FOXP1: variants seen among roughly 807,000 people sequenced by gnomAD.
FOXP1 encodes the protein forkhead box P1, also known as forkhead box protein P1.
A neutral mutation model predicts 98.2 loss-of-function variants in FOXP1; 15 were observed. That is an observed-to-expected ratio of 0.15 (90% CI 0.10 to 0.24). The LOEUF (loss-of-function observed/expected upper bound fraction) is 0.24, where lower values mean the gene tolerates loss of function less well. FOXP1 is among the 10% of genes least tolerant of loss of function. FOXP1 has a pLI of 1.00. For missense variants in FOXP1, 633 were observed against 848.5 expected (o/e 0.75, Z 3.15); for synonymous variants, 371 against 314.5 (o/e 1.18, Z -1.90).
intron 4 of FOXP1, among the ~76,000 whole-genome samples, chr3:71,357,013 A>C (rs1313692355): frequency 6.6e-6 from 1 of 152,182 alleles, no homozygotes; most frequent in Non-Finnish European, 1.5e-5. Flanking sequence ...TCCCACGGTA[A>C]GCTTTCAGCA....
At chr3:71,053,868 A>G in intron 7 of FOXP1, 95 bp from the exon 8 acceptor site, 1 of 1,361,986 alleles carries the variant, frequency 7.3e-7, no homozygotes, top group Non-Finnish European at 1.0e-6. Context: ...CTGCTTAAAG[A>G]GTTGACCAAT....
intron 2 of FOXP1, among the ~76,000 whole-genome samples, chr3:71,568,192 A>T (rs1210727178): frequency 2.0e-5 from 3 of 152,166 alleles, no homozygotes; most frequent in Admixed American, 1.3e-4. Flanking sequence ...GAGAATACCC[A>T]GTCCTGGAAA....
Position 71,019,475 on chromosome 3 carries a change from T to C in FOXP1, c.870-3822A>G, listed in dbSNP as rs528312805. Among the ~76,000 whole-genome samples the C allele has an allele frequency of 3.9e-5, 6 of 152,318 alleles. No homozygotes were observed. The East Asian group carries it at 1.2e-3, about 29-fold the overall frequency. On this transcript the variant is annotated intron_variant, in intron 11 of 20. Coordinates refer to ENST00000649528, the MANE Select transcript of FOXP1 (RefSeq NM_001349338.3). ...TGTATTTTACCACAAACTCCCAGGT[T>C]GAATATTCCTAGGGGCAGGGATCAC... is the stretch of plus-strand genomic sequence containing the variant.
chr3:71,174,828 C>CACACACACA (rs1560064270), intron 6 of FOXP1, among the ~76,000 whole-genome samples: 1 of 105,036 alleles, frequency 9.5e-6, no homozygotes, highest in Non-Finnish European at 2.2e-5. Flanking sequence ...ACACACACAC[C>CACACACACA]CCAATATACC....
At chr3:71,011,872 C>T (rs2043703527) in intron 12 of FOXP1, among the ~76,000 whole-genome samples, 1 of 152,030 alleles carries the variant, frequency 6.6e-6, no homozygotes, top group Admixed American at 6.6e-5. Context: ...GAGAAATGGG[C>T]TCTTTTATAG....
At chr3:71,153,122 G>C (rs1025137598) in intron 6 of FOXP1, among the ~76,000 whole-genome samples, 1 of 152,112 alleles carries the variant, frequency 6.6e-6, no homozygotes, top group Non-Finnish European at 1.5e-5. Context: ...TCTGTTTACC[G>C]ACCAGTTAAA....
chr3:71,541,843 A>G (rs1395411570), intron 2 of FOXP1: 1 of 421,860 alleles, frequency 2.4e-6, no homozygotes, highest in Non-Finnish European at 4.7e-6. Context: ...TAAAACAAAC[A>G]AAAAAACACC....
rs527622940 is a variant in FOXP1 at position 71,102,702 on chromosome 3, G to C, written c.282+9834C>G. On this transcript the variant is annotated intron_variant, in intron 7 of 20. Coordinates refer to ENST00000649528, the MANE Select transcript of FOXP1 (RefSeq NM_001349338.3). Reference sequence around the variant, plus strand: ...CAACATATGTCCAAATTAGGAGACGGTGTGGTCTGGTGGTTAGCGAGGAGC... The same window carrying C: ...CAACATATGTCCAAATTAGGAGACGCTGTGGTCTGGTGGTTAGCGAGGAGC... 2.6e-5 allele frequency among the ~76,000 whole-genome samples: 4 copies of C among 152,296 alleles called. No individual in the cohort carries two copies. The South Asian group carries it at 6.2e-4, about 24-fold the overall frequency.
At chr3:71,445,744 G>C (rs974451965) in intron 3 of FOXP1, among the ~76,000 whole-genome samples, 1 of 149,654 alleles carries the variant, frequency 6.7e-6, no homozygotes, top group African/African-American at 2.5e-5. Flanking sequence ...CTGGAGTGCA[G>C]TGGCGCAATC....
At chr3:71,546,486 TG>T (rs1237709096) in intron 2 of FOXP1, among the ~76,000 whole-genome samples, 1 of 152,122 alleles carries the variant, frequency 6.6e-6, no homozygotes, top group Non-Finnish European at 1.5e-5. Flanking sequence ...TTTTCGATGA[TG>T]GAACAGTGGA....
chr3:70,963,419 C>T (rs143266840), intron 20 of FOXP1, among the ~76,000 whole-genome samples: 9 of 152,308 alleles, frequency 5.9e-5, no homozygotes, highest in Admixed American at 2.0e-4. Context: ...TGGGATTCCA[C>T]GAAAGATACA....
chr3:71,515,246 T>C (rs2042478856), intron 2 of FOXP1, among the ~76,000 whole-genome samples: 1 of 152,054 alleles, frequency 6.6e-6, no homozygotes, highest in African/African-American at 2.4e-5. Flanking sequence ...CGAACCAAAA[T>C]GCTTCACACA....
chr3:71,272,321 G>A (rs1485723120), intron 5 of FOXP1, among the ~76,000 whole-genome samples: 1 of 152,204 alleles, frequency 6.6e-6, no homozygotes, highest in East Asian at 1.9e-4. Context: ...TCTCAGCAGT[G>A]TCCTCGGCAT....
intron 7 of FOXP1, among the ~76,000 whole-genome samples, chr3:71,077,354 G>A (rs1192374105): frequency 6.6e-6 from 1 of 152,124 alleles, no homozygotes; most frequent in Non-Finnish European, 1.5e-5. Context: ...GGTAGCTCTT[G>A]TTAATTTTTA....
intron 12 of FOXP1, among the ~76,000 whole-genome samples, chr3:71,014,821 A>G (rs1004443320): frequency 1.3e-5 from 2 of 152,208 alleles, no homozygotes; most frequent in Non-Finnish European, 2.9e-5. Flanking sequence ...ATAAAAAAGG[A>G]TGAGTTCATG....
At chr3:71,028,775 C>A (rs1282652927) in intron 11 of FOXP1, among the ~76,000 whole-genome samples, 1 of 152,032 alleles carries the variant, frequency 6.6e-6, no homozygotes, top group East Asian at 1.9e-4. Context: ...AGTTGGGAGC[C>A]CCGAGCTTAT....
intron 5 of FOXP1, among the ~76,000 whole-genome samples, chr3:71,205,813 T>C (rs911550963): frequency 6.6e-6 from 1 of 152,146 alleles, no homozygotes. Flanking sequence ...CCAGTGGGGA[T>C]CATCTATAGC....
At chr3:71,057,571 T>C (rs765835523) in intron 7 of FOXP1, among the ~76,000 whole-genome samples, 2 of 151,938 alleles carry the variant, frequency 1.3e-5, no homozygotes, top group Non-Finnish European at 2.9e-5. Context: ...AGAAGGCAAT[T>C]TATGAAGAAC....
At chr3:71,344,220 T>C (rs1262370179) in intron 4 of FOXP1, among the ~76,000 whole-genome samples, 1 of 152,200 alleles carries the variant, frequency 6.6e-6, no homozygotes, top group Non-Finnish European at 1.5e-5. Context: ...TAATTTATAA[T>C]GAGGAAAGAA....
Sources: gnomAD v4.1 joint callset for allele counts (sites outside exome capture counted in the v4.1 genomes callset) on GRCh38, gnomAD v4.1.1 for gene constraint, MANE v1.5 for transcripts, NCBI Gene and HGNC (gene_info 2026-07-23, HGNC 2026-07-21) for gene names.